SLC7A14: variants seen among roughly 807,000 people sequenced by gnomAD.
SLC7A14 encodes gamma-aminobutyric acid transporter SLC7A14.
SLC7A14 carries 37 observed loss-of-function variants against 60.2 expected under a neutral mutation model. The observed-to-expected ratio is 0.61, with a 90% CI of 0.47 to 0.81. The LOEUF is 0.81. SLC7A14 is among the 30% of genes least tolerant of loss of function. SLC7A14 has a pLI of 0.00. For missense variants in SLC7A14, 886 were observed against 982.7 expected, an observed-to-expected ratio of 0.90 and a Z score of 1.32; for synonymous variants, 399 against 395.8, an observed-to-expected ratio of 1.01 and a Z score of -0.10.
intron 1 of SLC7A14, among the ~76,000 whole-genome samples, chr3:170,538,598 C>T (rs1208540385): frequency 6.6e-6 from 1 of 152,214 alleles, no homozygotes; most frequent in Admixed American, 6.5e-5. Context: ...ACACACCCAG[C>T]CTCACTCTAC....
At chr3:170,568,172 A>G (rs1714846219) in intron 1 of SLC7A14, among the ~76,000 whole-genome samples, 3 of 152,190 alleles carry the variant, frequency 2.0e-5, no homozygotes, top group Admixed American at 6.5e-5. Context: ...ATCCATCTTG[A>G]ATTAATTTTT....
chr3:170,576,181 A>G (rs1050645178), intron 1 of SLC7A14, among the ~76,000 whole-genome samples: 2 of 152,180 alleles, frequency 1.3e-5, no homozygotes, highest in Non-Finnish European at 2.9e-5. Flanking sequence ...ATGTTATAGC[A>G]TGTGTCATGT....
chr3:170,553,214 A>G (rs6799899), intron 1 of SLC7A14, among the ~76,000 whole-genome samples: 51,245 of 152,008 alleles, frequency 0.34, 8,901 homozygotes, highest in East Asian at 0.45. Flanking sequence ...CTCAATCCCA[A>G]GCACAGTGCC....
chr3:170,548,734 C>G (rs1714248583), intron 1 of SLC7A14, among the ~76,000 whole-genome samples: 1 of 152,202 alleles, frequency 6.6e-6, no homozygotes, highest in Non-Finnish European at 1.5e-5. Flanking sequence ...TTTGCAATTC[C>G]TGGTTAGGCT....
At chr3:170,492,413 G>A (rs1335982391) in intron 4 of SLC7A14, among the ~76,000 whole-genome samples, 1 of 152,180 alleles carries the variant, frequency 6.6e-6, no homozygotes, top group African/African-American at 2.4e-5. Flanking sequence ...GCTGAGGTGG[G>A]AAGATTACTT....
At chr3:170,492,334 T>TA (rs1203523630) in intron 4 of SLC7A14, among the ~76,000 whole-genome samples, 3 of 152,100 alleles carry the variant, frequency 2.0e-5, no homozygotes, top group South Asian at 2.1e-4. Flanking sequence ...TTTGCAAAAT[T>TA]AAAAAATAGT....
At chr3:170,528,039 A>G (rs1440395041) in intron 1 of SLC7A14, among the ~76,000 whole-genome samples, 1 of 152,188 alleles carries the variant, frequency 6.6e-6, no homozygotes, top group Non-Finnish European at 1.5e-5. Flanking sequence ...GTGGTATTGC[A>G]TTTCTCATGC....
intron 1 of SLC7A14, among the ~76,000 whole-genome samples, chr3:170,572,340 G>C (rs1035141412): frequency 1.3e-5 from 2 of 152,156 alleles, no homozygotes; most frequent in African/African-American, 4.8e-5. Context: ...CTGGCTGTGA[G>C]AACTTGGGCC....
chr3:170,560,836 A>G (rs999047958), intron 1 of SLC7A14, among the ~76,000 whole-genome samples: 1 of 152,202 alleles, frequency 6.6e-6, no homozygotes, highest in Non-Finnish European at 1.5e-5. Context: ...TATGAATTGC[A>G]TTGCTTCGGT....
At chr3:170,473,720 T>A (rs1442950390) in intron 7 of SLC7A14, among the ~76,000 whole-genome samples, 1 of 152,056 alleles carries the variant, frequency 6.6e-6, no homozygotes, top group East Asian at 1.9e-4. Flanking sequence ...ACCACGACTC[T>A]GTTGACTATA....
intron 2 of SLC7A14, among the ~76,000 whole-genome samples, chr3:170,512,764 C>A (rs1012300398): frequency 1.4e-5 from 2 of 144,354 alleles, no homozygotes; most frequent in African/African-American, 2.5e-5. Flanking sequence ...CCCGGGTTCA[C>A]GCCATTCTCC....
intron 1 of SLC7A14, among the ~76,000 whole-genome samples, chr3:170,530,302 C>A (rs189146431): frequency 6.6e-6 from 1 of 152,058 alleles, no homozygotes; most frequent in African/African-American, 2.4e-5. Flanking sequence ...GAGGATAGAG[C>A]GGGTGTTGCA....
At chr3:170,523,787 G>T (rs1437217577) in intron 2 of SLC7A14, among the ~76,000 whole-genome samples, 2 of 152,152 alleles carry the variant, frequency 1.3e-5, no homozygotes, top group African/African-American at 2.4e-5. Context: ...GGGAAGTTTT[G>T]CCAAAGGTGA....
intron 1 of SLC7A14, among the ~76,000 whole-genome samples, chr3:170,574,909 C>G (rs145314190): frequency 9.6e-4 from 146 of 152,332 alleles, no homozygotes; most frequent in Admixed American, 2.0e-3. Context: ...GTGGCTTCAC[C>G]TCTCTGGGTC....
intron 1 of SLC7A14, among the ~76,000 whole-genome samples, chr3:170,568,367 T>C (rs1714852091): frequency 1.3e-5 from 2 of 152,250 alleles, no homozygotes; most frequent in Admixed American, 6.5e-5. Flanking sequence ...CATTGATCTA[T>C]ATCTCTGTTT....
chr3:170,496,545 C>T lies in SLC7A14; in HGVS notation c.759+2122G>A, dbSNP rs60636057. On this transcript the variant is annotated intron_variant, in intron 4 of 7. Coordinates refer to ENST00000231706, the MANE Select transcript of SLC7A14 (RefSeq NM_020949.3). ...CAAGCAGGACATGGCGCAGCAGCTGCGTGAGTACCAGGAGCTGATGAACGT... is the reference window on the plus strand; with the variant it reads ...CAAGCAGGACATGGCGCAGCAGCTGTGTGAGTACCAGGAGCTGATGAACGT... The T allele has an allele frequency of 3.6e-3, 5,663 of 1,590,262 alleles. 181 individuals are homozygous for T. The African/African-American group carries it at 0.064, about 18-fold the overall frequency.
At chr3:170,551,686 A>G (rs185862839) in intron 1 of SLC7A14, among the ~76,000 whole-genome samples, 1 of 152,304 alleles carries the variant, frequency 6.6e-6, no homozygotes. Flanking sequence ...ATTTGTACAT[A>G]CCTTTGAAGA....
rs559693435 is a variant in SLC7A14, at chr3:170,517,532, G to A, written c.304+9101C>T. Among the ~76,000 whole-genome samples the A allele has an allele frequency of 1.2e-4, 19 of 152,280 alleles. No homozygotes were observed. The South Asian group carries it at 3.9e-3, about 32-fold the overall frequency. ...TCAAGGCTGTCTTCAATTTGAGGAG[G>A]GAAAATCATTTATTGTTCTGAAAGA... is the stretch of plus-strand genomic sequence containing the variant. On this transcript the variant is annotated intron_variant, in intron 2 of 7. Transcript: ENST00000231706.
At chr3:170,481,903 G>A (rs571914364) in intron 6 of SLC7A14, among the ~76,000 whole-genome samples, 1 of 152,220 alleles carries the variant, frequency 6.6e-6, no homozygotes, top group South Asian at 2.1e-4. Context: ...GCATTCTCTT[G>A]GAGCTTGTTA....
Sources: allele counts gnomAD v4.1 joint callset (sites outside exome capture counted in the v4.1 genomes callset), GRCh38; gene constraint gnomAD v4.1.1; transcripts MANE v1.5; gene names NCBI Gene and HGNC (gene_info 2026-07-23, HGNC 2026-07-21).